Variants in CCDC92B observed in about 807,000 individuals in gnomAD.
CCDC92B encodes coiled-coil domain-containing 92B.
A neutral mutation model predicts 5.6 loss-of-function variants in CCDC92B; 2 were observed. That is an observed-to-expected ratio of 0.36 (90% CI 0.15 to 1.12). The LOEUF is 1.12. Ranked by LOEUF, CCDC92B falls within the 50% of genes most tolerant of loss-of-function variation. The pLI, the probability that CCDC92B is intolerant of heterozygous loss-of-function variation, is 0.40. For missense variants in CCDC92B, 271 were observed against 262.2 expected, an observed-to-expected ratio of 1.03 and a Z score of -0.23; for synonymous variants, 115 against 122.3, an observed-to-expected ratio of 0.94 and a Z score of 0.39.
chr17:2,738,226 G>A (rs2070877270), intron 1 of CCDC92B, among the ~76,000 whole-genome samples: 2 of 151,796 alleles, frequency 1.3e-5, no homozygotes, highest in South Asian at 4.1e-4. Context: ...ATTTTTTGTA[G>A]AGACAGGGTT....
At chr17:2,745,250 C>T (rs1212822185) in intron 1 of CCDC92B, among the ~76,000 whole-genome samples, 1 of 151,962 alleles carries the variant, frequency 6.6e-6, no homozygotes, top group Non-Finnish European at 1.5e-5. Context: ...TTTCCCGATT[C>T]TCTTTGCTGC....
At chr17:2,742,206 G>C (rs545302148) in intron 1 of CCDC92B, among the ~76,000 whole-genome samples, 2 of 152,106 alleles carry the variant, frequency 1.3e-5, no homozygotes, top group African/African-American at 4.8e-5. Context: ...CAAGGAGCTG[G>C]GACCACAGGC....
chr17:2,734,593 G>A (rs563625867), intron 2 of CCDC92B, among the ~76,000 whole-genome samples: 272 of 151,464 alleles, frequency 1.8e-3, no homozygotes, highest in African/African-American at 6.0e-3. Context: ...GGGTTCAAGC[G>A]ATTCCTCTGC....
At chr17:2,728,862 C>G (rs894946361) in intron 3 of CCDC92B, among the ~76,000 whole-genome samples, 1 of 152,180 alleles carries the variant, frequency 6.6e-6, no homozygotes, top group African/African-American at 2.4e-5. Flanking sequence ...TGGTCTGTAA[C>G]TGATCTTCAT....
intron 1 of CCDC92B, among the ~76,000 whole-genome samples, chr17:2,745,211 G>C (rs989726865): frequency 6.6e-6 from 1 of 152,084 alleles, no homozygotes; most frequent in Non-Finnish European, 1.5e-5. Flanking sequence ...CTGAGCCTGC[G>C]TGTGTGCCTC....
At chr17:2,737,535 C>T (rs1202541153) in intron 1 of CCDC92B, among the ~76,000 whole-genome samples, 1 of 134,060 alleles carries the variant, frequency 7.5e-6, no homozygotes, top group East Asian at 2.4e-4. Context: ...AGTGCAGTGG[C>T]ACGATCTCGG....
chr17:2,738,738 T>A (rs1251369689), intron 1 of CCDC92B, among the ~76,000 whole-genome samples: 1 of 117,378 alleles, frequency 8.5e-6, no homozygotes, highest in Admixed American at 9.3e-5. Flanking sequence ...CCAGCCTGGG[T>A]GACAGAGCAA....
At chr17:2,730,653 C>T (rs1022656565) in intron 2 of CCDC92B, among the ~76,000 whole-genome samples, 160 bp from the exon 3 acceptor site, 10 of 151,642 alleles carry the variant, frequency 6.6e-5, no homozygotes, top group Admixed American at 5.3e-4. Context: ...ACTATTTTAC[C>T]GCAACCCTGC....
chr17:2,735,728 G>T (rs1347435748), intron 1 of CCDC92B, among the ~76,000 whole-genome samples: 2 of 152,138 alleles, frequency 1.3e-5, no homozygotes. Flanking sequence ...ACTGTGCCCA[G>T]GCCCATATAA....
chr17:2,724,739 G>A lies in CCDC92B; in HGVS notation c.440C>T (p.Ala147Val). Residue 147 changes from alanine to valine, a missense_variant, in exon 4 of 4, where the codon GCG becomes GTG. By Grantham distance (64) the Ala-to-Val change is moderately conservative (BLOSUM62 0). Transcript: ENST00000614400. This position sits in a 1 kb window ranked among gnomAD's most constrained non-coding sequence, Gnocchi z 5.0. ...AAYLSCQLHA[A>V]RQRLQAPRPG... Reference sequence around the variant, plus strand: ...GCGCGGGGCCTGCAGTCTCTGGCGCGCCGCGTGCAGCTGGCAGGAGAGGTA... The same window carrying A: ...GCGCGGGGCCTGCAGTCTCTGGCGCACCGCGTGCAGCTGGCAGGAGAGGTA... The A allele has an allele frequency of 1.0e-6, 1 of 981,882 alleles. No homozygotes were observed. 60.8% of individuals were successfully genotyped at this position (981,882 alleles called of 1,614,324 possible). A position where few individuals can be genotyped will look rare whatever the true frequency, so the allele number is the denominator to read the frequency against.
At chr17:2,736,426 C>G (rs972071366) in intron 1 of CCDC92B, among the ~76,000 whole-genome samples, 18 of 151,290 alleles carry the variant, frequency 1.2e-4, no homozygotes, top group African/African-American at 4.4e-4. Context: ...GACTCTGTCT[C>G]TAAATAAATA....
chr17:2,743,361 G>A (rs1226426615), intron 1 of CCDC92B, among the ~76,000 whole-genome samples: 1 of 151,816 alleles, frequency 6.6e-6, no homozygotes, highest in Non-Finnish European at 1.5e-5. Flanking sequence ...AACCCGGGAG[G>A]CAGAGGTTGC....
At chr17:2,735,289 C>T (rs924510217) in intron 1 of CCDC92B, 121 bp from the exon 2 acceptor site, 14 of 521,886 alleles carry the variant, frequency 2.7e-5, no homozygotes, top group Admixed American at 6.4e-5. Context: ...GATTCTGCCA[C>T]TGCTGTCACC....
chr17:2,744,300 G>A (rs1357134940), intron 1 of CCDC92B, among the ~76,000 whole-genome samples: 2 of 152,088 alleles, frequency 1.3e-5, no homozygotes, highest in Non-Finnish European at 2.9e-5. Flanking sequence ...AAAGTGCTGG[G>A]ATTACAGGCG....
intron 2 of CCDC92B, among the ~76,000 whole-genome samples, chr17:2,731,062 C>T (rs549357603): frequency 6.6e-5 from 10 of 152,222 alleles, no homozygotes; most frequent in Non-Finnish European, 1.5e-4. Context: ...AGCGCTGCCC[C>T]TTCCCAAGCC....
chr17:2,731,233 C>T (rs1244971392), intron 2 of CCDC92B, among the ~76,000 whole-genome samples: 1 of 152,100 alleles, frequency 6.6e-6, no homozygotes, highest in Non-Finnish European at 1.5e-5. Flanking sequence ...GTGCTGCAGC[C>T]CAGCTGCCAC....
rs562001220 is a variant in CCDC92B at position 2,722,301 on chromosome 17, A to C, written c.*2110T>G. 6.6e-6 allele frequency: 1 copy of C among 152,172 alleles called. No homozygotes were observed. The highest frequency in any genetic ancestry group is 2.4e-5 in the African/African-American group (1 of 41,466). The allele number at this position is 152,172 out of a possible 1,614,324, so 9.4% of individuals were successfully genotyped here. A position where few individuals can be genotyped will look rare whatever the true frequency, so the allele number is the denominator to read the frequency against. ...TACACACACTTGAGGGGGGACAGAGATGGTACAGGCGCAACCACAGGACTA... is the reference window on the plus strand; with the variant it reads ...TACACACACTTGAGGGGGGACAGAGCTGGTACAGGCGCAACCACAGGACTA... On this transcript the variant is annotated 3_prime_UTR_variant, in exon 4 of 4. Coordinates refer to ENST00000614400, the MANE Select transcript of CCDC92B (RefSeq NM_001355573.2).
intron 2 of CCDC92B, among the ~76,000 whole-genome samples, chr17:2,733,344 C>G (rs1393964836): frequency 6.6e-6 from 1 of 151,314 alleles, no homozygotes; most frequent in Admixed American, 6.6e-5. Context: ...ACCGCAACCT[C>G]CGCCTCCCAG....
intron 1 of CCDC92B, among the ~76,000 whole-genome samples, chr17:2,740,537 C>T (rs111396166): frequency 0.013 from 1,992 of 151,856 alleles, 27 homozygotes; most frequent in Middle Eastern, 0.031. Context: ...GTGACAGGCG[C>T]CTGTAATCCC....
Sources: gnomAD v4.1 joint callset for allele counts (sites outside exome capture counted in the v4.1 genomes callset) on GRCh38, gnomAD v4.1.1 for gene constraint, Gnocchi (gnomAD v3.1) non-coding constraint, MANE v1.5 for transcripts, NCBI Gene and HGNC (gene_info 2026-07-23, HGNC 2026-07-21) for gene names.